The following SF3B6 variants were observed in gnomAD, a reference collection of about 807,000 sequenced individuals.
SF3B6 encodes the protein splicing factor 3b subunit 6.
SF3B6 carries 3 observed loss-of-function variants against 15.9 expected under a neutral mutation model. The ratio of observed to expected loss-of-function variants is 0.19; its 90% CI spans 0.09 to 0.49. The LOEUF (loss-of-function observed/expected upper bound fraction) is 0.49, where lower values mean the gene tolerates loss of function less well. SF3B6 is among the 20% of genes least tolerant of loss of function. The probability of loss-of-function intolerance (pLI) is 0.97; values close to 1 mark genes in which losing one functional copy is unlikely to be tolerated. For missense variants in SF3B6, 71 were observed against 154.3 expected, an observed-to-expected ratio of 0.46 and a Z score of 2.86; for synonymous variants, 49 against 51.1, an observed-to-expected ratio of 0.96 and a Z score of 0.18.
rs1371436993 is a variant in SF3B6 at position 24,068,058 on chromosome 2, G to A, written c.289-207C>T. Among the ~76,000 whole-genome samples, 7 of 152,266 alleles carry A rather than the reference G, an allele frequency of 4.6e-5. No homozygotes were observed. In the East Asian group the frequency reaches 1.3e-3, roughly 29 times the overall value. On this transcript the variant is annotated intron_variant, in intron 3 of 3. Coordinates refer to ENST00000233468, the MANE Select transcript of SF3B6 (RefSeq NM_016047.4). The stretch of plus-strand genomic sequence containing the variant: ...GCTCACTGCAGGCTCCACCCCCTGG[G>A]GTTCACGCCATTCTCCTGCCTCAGC...
intron 2 of SF3B6, 50 bp from the exon 3 acceptor site, chr2:24,068,509 G>T (rs765383281): frequency 6.6e-7 from 1 of 1,505,492 alleles, no homozygotes; most frequent in South Asian, 1.3e-5. Context: ...CCTGAGCATT[G>T]ATAGTTGACT....
intron 2 of SF3B6, among the ~76,000 whole-genome samples, chr2:24,071,658 CAG>C (rs749538938): frequency 2.0e-5 from 3 of 152,144 alleles, no homozygotes; most frequent in Non-Finnish European, 4.4e-5. Flanking sequence ...GATAGGGAAA[CAG>C]GGAGCTACTT....
At chr2:24,073,073 T>G (rs1664682178) in intron 2 of SF3B6, among the ~76,000 whole-genome samples, 1 of 152,238 alleles carries the variant, frequency 6.6e-6, no homozygotes. Flanking sequence ...CATCCCCATC[T>G]GAGTACCAAT....
chr2:24,067,597 G>A lies in SF3B6; in HGVS notation c.*165C>T. ...AAAAGACTGAGGTGTTTCACAAAAAGCTACAAGTTTATTAACATAATGTAT... is the reference window on the plus strand; with the variant it reads ...AAAAGACTGAGGTGTTTCACAAAAAACTACAAGTTTATTAACATAATGTAT... On this transcript the variant is annotated 3_prime_UTR_variant, in exon 4 of 4. Coordinates refer to ENST00000233468, the MANE Select transcript of SF3B6 (RefSeq NM_016047.4). 1.8e-6 allele frequency: 1 copy of A among 570,442 alleles called. No homozygotes were observed. Among genetic ancestry groups the A allele is most frequent in the Non-Finnish European group, 3.0e-6 (1 of 328,508 alleles). The allele number at this position is 570,442 out of a possible 1,614,324, so 35.3% of individuals were successfully genotyped here.
At chr2:24,070,431 T>G (rs1366569843) in intron 2 of SF3B6, among the ~76,000 whole-genome samples, 2 of 152,186 alleles carry the variant, frequency 1.3e-5, no homozygotes, top group African/African-American at 4.8e-5. Flanking sequence ...TTGACTGGCA[T>G]TAAAATCTTA....
intron 3 of SF3B6, 131 bp from the exon 4 acceptor site, chr2:24,067,982 T>G: frequency 1.3e-6 from 1 of 782,672 alleles, no homozygotes; most frequent in Non-Finnish European, 2.1e-6. Flanking sequence ...CTAATTCTCT[T>G]GAGACGGAGT....
intron 2 of SF3B6, among the ~76,000 whole-genome samples, chr2:24,070,949 T>C (rs1664642751): frequency 6.6e-6 from 1 of 152,244 alleles, no homozygotes; most frequent in African/African-American, 2.4e-5. Context: ...AAGCTTATAT[T>C]CAGGCAGTAG....
chr2:24,068,359 TACAA>T lies in SF3B6; in HGVS notation c.246_249del (p.Cys83ThrfsTer27). The T allele has an allele frequency of 6.2e-7, 1 of 1,614,144 alleles. No individual in the cohort carries two copies. The highest frequency in any genetic ancestry group is 8.5e-7 in the Non-Finnish European group (1 of 1,180,002). On this transcript the variant is annotated frameshift_variant, in exon 3 of 4. Coordinates refer to ENST00000233468, the MANE Select transcript of SF3B6 (RefSeq NM_016047.4). LOFTEE classifies it high-confidence loss of function. ...TAGTACAAAACCACAAGGTATCTGT[TACAA>T]ACATTGAATCCCGATAGGTGATCAC...
intron 1 of SF3B6, among the ~76,000 whole-genome samples, chr2:24,074,850 C>T (rs756874496): frequency 2.8e-4 from 43 of 152,042 alleles, no homozygotes; most frequent in Non-Finnish European, 5.7e-4. Context: ...ACTATCTGGC[C>T]GGGTGCGGTG....
rs1172901783 is a variant in SF3B6, at chr2:24,068,392, C to T, written c.217G>A (p.Ala73Thr). 6.2e-7 allele frequency: 1 copy of T among 1,614,004 alleles called. No homozygotes were observed. The highest frequency in any genetic ancestry group is 8.5e-7 in the Non-Finnish European group (1 of 1,179,972). ...VYEDIFDAKN[A>T]CDHLSGFNVC... Reference sequence around the variant, plus strand: ...TTGAATCCCGATAGGTGATCACATGCATTCTTGGCATCAAAGATGTCCTCA... The same window carrying T: ...TTGAATCCCGATAGGTGATCACATGTATTCTTGGCATCAAAGATGTCCTCA... Residue 73 changes from alanine to threonine, a missense_variant, in exon 3 of 4, where the codon GCA becomes ACA. Transcript: ENST00000233468.
intron 2 of SF3B6, among the ~76,000 whole-genome samples, chr2:24,069,541 AC>A (rs750109767): frequency 6.6e-6 from 1 of 152,068 alleles, no homozygotes; most frequent in Non-Finnish European, 1.5e-5. Context: ...TGTTCCAACC[AC>A]CCAGTGCAAC....
chr2:24,071,082 T>C (rs1281231847), intron 2 of SF3B6, among the ~76,000 whole-genome samples: 2 of 151,964 alleles, frequency 1.3e-5, no homozygotes, highest in Non-Finnish European at 2.9e-5. Flanking sequence ...AACCTCCACC[T>C]CCCGGGTTCA....
At chr2:24,070,659 G>A (rs932007449) in intron 2 of SF3B6, among the ~76,000 whole-genome samples, 1 of 152,220 alleles carries the variant, frequency 6.6e-6, no homozygotes, top group South Asian at 2.1e-4. Context: ...GATTTGACTG[G>A]GACTGTCCAG....
intron 3 of SF3B6, 107 bp downstream of exon 3, chr2:24,068,214 C>T (rs1345461273): frequency 1.3e-5 from 14 of 1,119,094 alleles, no homozygotes; most frequent in Middle Eastern, 3.0e-4. Flanking sequence ...CCGCCCACCT[C>T]GGCCTCCCAA....
intron 2 of SF3B6, among the ~76,000 whole-genome samples, chr2:24,069,971 G>A (rs1046290201): frequency 6.6e-6 from 1 of 152,192 alleles, no homozygotes; most frequent in East Asian, 1.9e-4. Flanking sequence ...ATACGCCTTT[G>A]AAAAGTGGAG....
chr2:24,074,394 G>C (rs11902776), intron 1 of SF3B6, among the ~76,000 whole-genome samples, 200 bp from the exon 2 acceptor site: 18,137 of 152,102 alleles, frequency 0.12, 1,263 homozygotes, highest in South Asian at 0.18. Context: ...TGCAGTGGCT[G>C]GTCCCTATAA....
intron 2 of SF3B6, among the ~76,000 whole-genome samples, chr2:24,070,907 T>TGG (rs1664642108): frequency 6.6e-6 from 1 of 152,170 alleles, no homozygotes; most frequent in Admixed American, 6.5e-5. Context: ...AGAAATACAA[T>TGG]AGTGAAAAAG....
chr2:24,068,709 A>G (rs1245624966), intron 2 of SF3B6, among the ~76,000 whole-genome samples: 1 of 152,250 alleles, frequency 6.6e-6, no homozygotes, highest in Non-Finnish European at 1.5e-5. Flanking sequence ...TAAAATATCC[A>G]TAGGTCAAGC....
intron 2 of SF3B6, among the ~76,000 whole-genome samples, chr2:24,072,179 G>T (rs1664662877): frequency 6.6e-6 from 1 of 151,916 alleles, no homozygotes; most frequent in Non-Finnish European, 1.5e-5. Flanking sequence ...TAGAGAGGGG[G>T]TTTCACCATT....
Sources: gnomAD v4.1 joint callset for allele counts (sites outside exome capture counted in the v4.1 genomes callset) on GRCh38, gnomAD v4.1.1 for gene constraint, MANE v1.5 for transcripts, NCBI Gene and HGNC (gene_info 2026-07-23, HGNC 2026-07-21) for gene names.